Variants in SLC5A5 observed in about 807,000 individuals in gnomAD.
SLC5A5 encodes the protein sodium/iodide cotransporter.
Under a neutral mutation model 68.6 loss-of-function variants are expected in SLC5A5, and 56 were observed. The observed-to-expected ratio is 0.82, with a 90% CI of 0.66 to 1.02. SLC5A5 has a LOEUF of 1.02. Among genes scored for constraint, SLC5A5 ranks in the 50% least tolerant of loss-of-function variants. The pLI is 0.00. For synonymous variants in SLC5A5, 398 were observed against 373.0 expected (o/e 1.07, Z -0.77); for missense variants, 807 against 859.8 (o/e 0.94, Z 0.77).
intron 7 of SLC5A5, among the ~76,000 whole-genome samples, chr19:17,878,993 A>G (rs530489051): frequency 4.0e-5 from 6 of 149,830 alleles, no homozygotes; most frequent in Admixed American, 2.7e-4. Flanking sequence ...AAAAAACAAA[A>G]AAAAAAAACC....
At chr19:17,880,806 T>C in intron 7 of SLC5A5, 59 bp from the exon 8 acceptor site, 1 of 1,276,966 alleles carries the variant, frequency 7.8e-7, no homozygotes, top group Non-Finnish European at 1.1e-6. Context: ...TCAGGACAGA[T>C]AGATGCCCCG....
chr19:17,882,713 T>C (rs2094323622), intron 10 of SLC5A5, among the ~76,000 whole-genome samples: 1 of 151,738 alleles, frequency 6.6e-6, no homozygotes, highest in African/African-American at 2.4e-5. Context: ...AGACGGAGTC[T>C]CGCTCTGTTG....
rs1599904947 is a variant in SLC5A5 at position 17,871,951 on chromosome 19, G to C, written c.-369G>C. On this transcript the variant is annotated 5_prime_UTR_variant, in exon 1 of 15. Coordinates refer to ENST00000222248, the MANE Select transcript of SLC5A5 (RefSeq NM_000453.3). ...CAACCCACAATCACGAGCTGCTCCC[G>C]TAAGCCCCAAGGCGACCTCCAGCTG... 1 of 277,988 alleles carries C rather than the reference G, an allele frequency of 3.6e-6. No homozygotes were observed. The highest frequency in any genetic ancestry group is 6.8e-6 in the Non-Finnish European group (1 of 146,050). The allele number at this position is 277,988 out of a possible 1,614,324, so 17.2% of individuals were successfully genotyped here.
chr19:17,876,059 C>G lies in SLC5A5; in HGVS notation c.651C>G (p.Arg217=). The G allele has an allele frequency of 6.2e-7, 1 of 1,614,202 alleles. No individual in the cohort carries two copies. Among genetic ancestry groups the G allele is most frequent in the Middle Eastern group, 1.6e-4 (1 of 6,062 alleles). The change falls in exon 5 of 15, where the codon CGC becomes CGG. Residue 217 remains arginine (R), a synonymous_variant. Coordinates refer to ENST00000222248, the MANE Select transcript of SLC5A5 (RefSeq NM_000453.3). ...GTGTCATGCTTGTGGGCGGGCCCCG[C>G]CAGGTGCTCACGCTGGCCCAGAACC... ...ARGVMLVGGP[R]QVLTLAQNHS...
chr19:17,890,036 G>GAC (rs1027052249), intron 13 of SLC5A5, among the ~76,000 whole-genome samples: 4 of 152,034 alleles, frequency 2.6e-5, no homozygotes, highest in Non-Finnish European at 5.9e-5. Flanking sequence ...CCGTGTGCTG[G>GAC]ACCCTCCCAG....
In SLC5A5 at chr19:17,879,122, G is replaced by A. The variant is rs111808879; in HGVS notation, c.969+1029G>A. Among the ~76,000 whole-genome samples the A allele has an allele frequency of 3.4e-5, 5 of 149,094 alleles. No homozygotes were observed. In the South Asian group the frequency reaches 6.4e-4, roughly 19 times the overall value. ...ATCCTGACCAACATGGAAAAACCCC[G>A]TCCCTACTGAAAAATACAAAATTAG... is the stretch of plus-strand genomic sequence containing the variant. On this transcript the variant is annotated intron_variant, in intron 7 of 14. Transcript: ENST00000222248.
At position 17,878,800 on chromosome 19, in the gene SLC5A5, A is replaced by AC. The variant is rs529073926; in HGVS notation, c.969+713dup. On this transcript the variant is annotated intron_variant, in intron 7 of 14. Coordinates refer to ENST00000222248, the MANE Select transcript of SLC5A5 (RefSeq NM_000453.3). ...AAACCAACCTGGCCAACATGGTGAAACCCCCCTCCACTAAAAATACAAAAA... is the reference window on the plus strand; with the variant it reads ...AAACCAACCTGGCCAACATGGTGAAACCCCCCCTCCACTAAAAATACAAAAA... Among the ~76,000 whole-genome samples, 5 of 151,080 alleles carry AC rather than the reference A, an allele frequency of 3.3e-5. No homozygotes were observed. In the South Asian group the frequency reaches 6.3e-4, roughly 19 times the overall value.
chr19:17,884,891 A>G (rs1487092978), intron 12 of SLC5A5, among the ~76,000 whole-genome samples: 1 of 151,120 alleles, frequency 6.6e-6, no homozygotes. Flanking sequence ...ATGGGGTTTC[A>G]CCATGTTGGC....
chr19:17,888,528 G>T, intron 13 of SLC5A5, 73 bp downstream of exon 13: 1 of 1,578,126 alleles, frequency 6.3e-7, no homozygotes. Flanking sequence ...ACCCAGCAGG[G>T]AGGGGAGAAA....
At chr19:17,888,224 A>C in intron 12 of SLC5A5, 107 bp from the exon 13 acceptor site, 2 of 1,335,970 alleles carry the variant, frequency 1.5e-6, no homozygotes, top group Non-Finnish European at 1.1e-6. Flanking sequence ...GGTCTGTGCT[A>C]GGCCATGGCA....
chr19:17,883,871 G>A lies in SLC5A5; in HGVS notation c.1351G>A (p.Ala451Thr), dbSNP rs2094327122. The change falls in exon 12 of 15, where the codon GCG becomes ACG. Residue 451 changes from alanine to threonine, a missense_variant. Ala to Thr is a moderately conservative substitution (Grantham distance 58). Transcript: ENST00000222248. ...NTPGVLAGLG[A>T]GLALSLWVAL... ...CCAGGGCGTCCTCGCGGGACTAGGC[G>A]CGGGCTTGGCGCTGTCGCTGTGGGT... 1.3e-6 allele frequency: 2 copies of A among 1,584,050 alleles called. No individual in the cohort carries two copies. Among genetic ancestry groups the A allele is most frequent in the Non-Finnish European group, 1.7e-6 (2 of 1,166,496 alleles).
chr19:17,884,173 G>A, intron 12 of SLC5A5, 127 bp downstream of exon 12: 2 of 900,002 alleles, frequency 2.2e-6, no homozygotes, highest in Non-Finnish European at 1.7e-6. Context: ...GGAGGGAACG[G>A]TAGGTGCAAA....
chr19:17,892,409 G>A lies in SLC5A5; in HGVS notation c.1768-1304G>A, dbSNP rs375454878. Among the ~76,000 whole-genome samples, 4 of 152,048 alleles carry A rather than the reference G, an allele frequency of 2.6e-5. No homozygotes were observed. In the East Asian group the frequency reaches 5.8e-4, roughly 22 times the overall value. On this transcript the variant is annotated intron_variant, in intron 14 of 14. Transcript: ENST00000222248. ...CCAGCACTTTGGGAGACTTAGGCAGGTGCATCACCTGAGGTCAGGAGTTCG... is the reference window on the plus strand; with the variant it reads ...CCAGCACTTTGGGAGACTTAGGCAGATGCATCACCTGAGGTCAGGAGTTCG...
At position 17,872,611 on chromosome 19, in the gene SLC5A5, T is replaced by A; in HGVS notation, c.292T>A (p.Ser98Thr). 1.2e-6 allele frequency: 2 copies of A among 1,612,298 alleles called. No individual in the cohort carries two copies. The highest frequency in any genetic ancestry group is 1.7e-6 in the Non-Finnish European group (2 of 1,179,844). The change falls in exon 1 of 15, where the codon TCG becomes ACG. Residue 98 changes from serine (S) to threonine (T), a missense_variant. Coordinates refer to ENST00000222248, the MANE Select transcript of SLC5A5 (RefSeq NM_000453.3). ...GATGTGCCTGGGCCAGCTTCTGAAC[T>A]CGGTCCTCACCGCCCTGCTCTTCAT... ...LWMCLGQLLN[S>T]VLTALLFMPV...
chr19:17,872,617 C>G lies in SLC5A5; in HGVS notation c.298C>G (p.Leu100Val), dbSNP rs755603799. Residue 100 changes from leucine (L) to valine (V), a missense_variant, in exon 1 of 15, where the codon CTC (leucine) becomes GTC (valine). Coordinates refer to ENST00000222248, the MANE Select transcript of SLC5A5 (RefSeq NM_000453.3). ...MCLGQLLNSVLTALLFMPVFY... is the reference protein window; with the variant it reads ...MCLGQLLNSVVTALLFMPVFY... ...CCTGGGCCAGCTTCTGAACTCGGTC[C>G]TCACCGCCCTGCTCTTCATGCCCGT... 5 of 1,612,044 alleles carry G rather than the reference C, an allele frequency of 3.1e-6. No individual in the cohort carries two copies. The highest frequency in any genetic ancestry group is 4.2e-6 in the Non-Finnish European group (5 of 1,179,796).
chr19:17,873,558 C>T (rs2094299436), intron 1 of SLC5A5, among the ~76,000 whole-genome samples: 1 of 152,108 alleles, frequency 6.6e-6, no homozygotes, highest in Non-Finnish European at 1.5e-5. Context: ...GAGTTCAAGA[C>T]CAGCCTGGCT....
At chr19:17,892,161 G>C (rs937534608) in intron 14 of SLC5A5, among the ~76,000 whole-genome samples, 1 of 152,108 alleles carries the variant, frequency 6.6e-6, no homozygotes, top group Non-Finnish European at 1.5e-5. Context: ...GGGCATGGTG[G>C]CGTGTGCCTG....
In SLC5A5 at chr19:17,878,028, G is replaced by C; in HGVS notation, c.904G>C (p.Val302Leu). 6.2e-7 allele frequency: 1 copy of C among 1,613,174 alleles called. No individual in the cohort carries two copies. The highest frequency in any genetic ancestry group is 8.5e-7 in the Non-Finnish European group (1 of 1,179,988). ...IVSSAACCGI[V>L]MFVFYTDCDP... The stretch of plus-strand genomic sequence containing the variant: ...GTCCAGCGCTGCCTGCTGTGGCATC[G>C]TCATGTTTGTGTTCTACACTGACTG... Residue 302 changes from valine (V) to leucine (L), a missense_variant, in exon 7 of 15, where the codon GTC (valine) becomes CTC (leucine). Transcript: ENST00000222248.
chr19:17,872,711 C>T (rs1338658300), intron 1 of SLC5A5, 35 bp downstream of exon 1: 2 of 1,317,540 alleles, frequency 1.5e-6, no homozygotes, highest in African/African-American at 2.9e-5. Flanking sequence ...GGACCTGCCC[C>T]ACTGGCAGTG....
Sources: gnomAD v4.1 joint callset for allele counts (sites outside exome capture counted in the v4.1 genomes callset) on GRCh38, gnomAD v4.1.1 for gene constraint, MANE v1.5 for transcripts, NCBI Gene and HGNC (gene_info 2026-07-23, HGNC 2026-07-21) for gene names.